Variants in CCDC158 observed in about 807,000 individuals in gnomAD.
CCDC158 encodes coiled-coil domain containing 158.
Under a neutral mutation model 138.6 loss-of-function variants are expected in CCDC158, and 116 were observed. That is an observed-to-expected ratio of 0.84 (90% confidence interval 0.72 to 0.98). CCDC158 has a LOEUF of 0.98. Ranked by LOEUF, CCDC158 falls within the 50% of genes least tolerant of loss-of-function variation. The probability of loss-of-function intolerance (pLI) is 0.00; values close to 1 mark genes in which losing one functional copy is unlikely to be tolerated. For synonymous variants in CCDC158, 436 were observed against 442.4 expected, an observed-to-expected ratio of 0.99 and a Z score of 0.18; for missense variants, 1,265 against 1,306.1, an observed-to-expected ratio of 0.97 and a Z score of 0.48.
chr4:76,318,148 A>G (rs552292786), intron 24 of CCDC158, among the ~76,000 whole-genome samples: 1 of 152,316 alleles, frequency 6.6e-6, no homozygotes, highest in South Asian at 2.1e-4. Flanking sequence ...AAGAAAAGAA[A>G]TAACAAAGAT....
chr4:76,409,253 A>G (rs1729095621), intron 2 of CCDC158, among the ~76,000 whole-genome samples: 1 of 152,080 alleles, frequency 6.6e-6, no homozygotes, highest in African/African-American at 2.4e-5. Flanking sequence ...GAATTGAAAT[A>G]TTTTTCCTAT....
chr4:76,340,531 CA>C (rs930572007), intron 18 of CCDC158, among the ~76,000 whole-genome samples: 4 of 152,208 alleles, frequency 2.6e-5, no homozygotes, highest in Admixed American at 2.0e-4. Context: ...GAGATTGCCA[CA>C]AAAGCATGGA....
rs776176392 is a variant in CCDC158, at chr4:76,371,464, A to C, written c.1102T>G (p.Phe368Val). The change falls in exon 10 of 25, where the codon TTC becomes GTC. Residue 368 changes from phenylalanine to valine, a missense_variant. Physicochemically the swap from Phe to Val is conservative, Grantham distance 50. Coordinates refer to ENST00000682701, the MANE Select transcript of CCDC158 (RefSeq NM_001394954.1). ...LTEARTERDQ[F>V]SQESGNLDDQ... ...TCTAAATTTCCAGATTCCTGACTGAATTGATCACGCTCTGTCCGGGCTTCA... is the reference window on the plus strand; with the variant it reads ...TCTAAATTTCCAGATTCCTGACTGACTTGATCACGCTCTGTCCGGGCTTCA... 4.3e-6 allele frequency: 7 copies of C among 1,613,988 alleles called. No individual in the cohort carries two copies. In the South Asian group the frequency reaches 7.7e-5, roughly 18 times the overall value.
intron 24 of CCDC158, among the ~76,000 whole-genome samples, chr4:76,322,294 CAT>C (rs753877817): frequency 7.0e-4 from 106 of 152,264 alleles, no homozygotes; most frequent in African/African-American, 2.0e-3. Flanking sequence ...ATATTAAAAA[CAT>C]GTGGATTTTG....
In CCDC158 at chr4:76,355,426, C is replaced by T; in HGVS notation, c.2184G>A (p.Val728=). 1.2e-6 allele frequency: 2 copies of T among 1,610,006 alleles called. No individual in the cohort carries two copies. The highest frequency in any genetic ancestry group is 1.7e-6 in the Non-Finnish European group (2 of 1,176,800). ...TGATTTGCTTTTGCATCCCCATTGCCACTTTCATAGCTGGAAAAAAAAAAG... is the reference window on the plus strand; with the variant it reads ...TGATTTGCTTTTGCATCCCCATTGCTACTTTCATAGCTGGAAAAAAAAAAG... The part of the protein sequence containing the change: ...MEGSDGHAMK[V]AMGMQKQITA... Residue 728 remains valine, a synonymous_variant, in exon 15 of 25, where the codon GTG becomes GTA. Coordinates refer to ENST00000682701, the MANE Select transcript of CCDC158 (RefSeq NM_001394954.1).
intron 24 of CCDC158, among the ~76,000 whole-genome samples, chr4:76,317,707 T>C (rs924500259): frequency 2.0e-5 from 3 of 152,202 alleles, no homozygotes; most frequent in African/African-American, 7.2e-5. Context: ...AGAATATACA[T>C]TCTTTTCATT....
intron 1 of CCDC158, among the ~76,000 whole-genome samples, chr4:76,414,763 G>T (rs72657839): frequency 0.22 from 33,773 of 152,168 alleles, 3,941 homozygotes; most frequent in Middle Eastern, 0.29. Flanking sequence ...CAAGTAAGAA[G>T]TGCCTTTTGC....
intron 21 of CCDC158, among the ~76,000 whole-genome samples, chr4:76,330,020 T>C (rs1720880890): frequency 6.6e-6 from 1 of 152,234 alleles, no homozygotes. Flanking sequence ...TTTTTCATAA[T>C]TTCAGAATAA....
At chr4:76,419,670 TTCTC>T (rs998062448) in intron 1 of CCDC158, among the ~76,000 whole-genome samples, 1 of 151,722 alleles carries the variant, frequency 6.6e-6, no homozygotes, top group Non-Finnish European at 1.5e-5. Context: ...TCAAATCTGC[TTCTC>T]TCTCTCTCTT....
chr4:76,325,098 G>T lies in CCDC158; in HGVS notation c.3169+759C>A, dbSNP rs190153604. On this transcript the variant is annotated intron_variant, in intron 23 of 24. Coordinates refer to ENST00000682701, the MANE Select transcript of CCDC158 (RefSeq NM_001394954.1). ...AATTGAAGAAGATAGTAAATGAATA[G>T]CTTAGAAACATAAGAGATGAAAGAG... Among the ~76,000 whole-genome samples, 394 of 152,212 alleles carry T rather than the reference G, an allele frequency of 2.6e-3. 1 individual carries two copies. The highest frequency in any genetic ancestry group is 9.0e-3 in the African/African-American group (374 of 41,534).
intron 3 of CCDC158, among the ~76,000 whole-genome samples, chr4:76,399,400 C>T (rs796132442): frequency 1.5e-4 from 23 of 152,174 alleles, no homozygotes; most frequent in African/African-American, 5.3e-4. Flanking sequence ...CGGCAAACCA[C>T]GATGGCACAC....
chr4:76,416,409 C>A (rs9685227), intron 1 of CCDC158, among the ~76,000 whole-genome samples: 1 of 152,122 alleles, frequency 6.6e-6, no homozygotes, highest in Non-Finnish European at 1.5e-5. Flanking sequence ...TCTCCGCACA[C>A]GGGGAGAAAA....
Position 76,382,543 on chromosome 4 carries a change from A to G in CCDC158, c.914+67T>C, listed in dbSNP as rs1018124537. 7.2e-5 allele frequency: 71 copies of G among 991,770 alleles called. No homozygotes were observed. The African/African-American group carries it at 9.1e-4, about 13-fold the overall frequency. 61.4% of individuals were successfully genotyped at this position (991,770 alleles called of 1,614,324 possible). On this transcript the variant is annotated intron_variant, in intron 8 of 24. Coordinates refer to ENST00000682701, the MANE Select transcript of CCDC158 (RefSeq NM_001394954.1). ...TAAGCAAGTTCTAAAAGATTATAGAACAGAAAGTTAATGAGAATAATATCT... is the reference window on the plus strand; with the variant it reads ...TAAGCAAGTTCTAAAAGATTATAGAGCAGAAAGTTAATGAGAATAATATCT...
chr4:76,382,024 T>G (rs113209045), intron 8 of CCDC158, among the ~76,000 whole-genome samples: 4,481 of 152,294 alleles, frequency 0.029, 221 homozygotes, highest in African/African-American at 0.1. Flanking sequence ...ATATTTGGGA[T>G]ATTACAAATC....
At chr4:76,392,112 C>T (rs574998747) in intron 4 of CCDC158, among the ~76,000 whole-genome samples, 94 of 152,066 alleles carry the variant, frequency 6.2e-4, no homozygotes, top group Non-Finnish European at 1.1e-3. Context: ...TTCTTCCAAA[C>T]TCATTCTATG....
chr4:76,371,977 T>C (rs1348043799), intron 9 of CCDC158, among the ~76,000 whole-genome samples: 1 of 150,156 alleles, frequency 6.7e-6, no homozygotes, highest in African/African-American at 2.4e-5. Context: ...ATGTGTCTTG[T>C]AAAGTTTTTT....
chr4:76,315,079 C>T (rs769207076), intron 24 of CCDC158, among the ~76,000 whole-genome samples: 5 of 152,154 alleles, frequency 3.3e-5, no homozygotes, highest in Non-Finnish European at 4.4e-5. Context: ...GAGACACTGG[C>T]GCTGTTAGCA....
intron 4 of CCDC158, among the ~76,000 whole-genome samples, chr4:76,392,611 T>C (rs151274692): frequency 0.014 from 2,153 of 152,148 alleles, 27 homozygotes; most frequent in Non-Finnish European, 0.022. Flanking sequence ...CCATTGTTAT[T>C]CAACATAGTA....
chr4:76,388,808 G>T (rs1304391469), intron 4 of CCDC158, among the ~76,000 whole-genome samples: 1 of 152,090 alleles, frequency 6.6e-6, no homozygotes, highest in East Asian at 1.9e-4. Flanking sequence ...GAGAGAGAGA[G>T]AGAGACTCCA....
Sources: gnomAD v4.1 joint callset for allele counts (sites outside exome capture counted in the v4.1 genomes callset) on GRCh38, gnomAD v4.1.1 for gene constraint, MANE v1.5 for transcripts, NCBI Gene and HGNC (gene_info 2026-07-23, HGNC 2026-07-21) for gene names.